SLC25A21: variants seen among roughly 807,000 people sequenced by gnomAD.
SLC25A21 encodes mitochondrial 2-oxodicarboxylate carrier.
In SLC25A21, 47 loss-of-function variants were observed where a neutral mutation model predicts 43.8. The observed-to-expected ratio is 1.07, with a 90% CI of 0.85 to 1.37. The LOEUF is 1.37. Among genes scored for constraint, SLC25A21 ranks in the 40% most tolerant of loss-of-function variants. SLC25A21 has a pLI of 0.00. For synonymous variants in SLC25A21, 131 were observed against 121.3 expected (o/e 1.08, Z -0.52); for missense variants, 352 against 350.2 (o/e 1.00, Z -0.04).
chr14:36,779,241 G>T (rs1886945690), intron 3 of SLC25A21, among the ~76,000 whole-genome samples: 1 of 143,616 alleles, frequency 7.0e-6, no homozygotes, highest in African/African-American at 2.5e-5. Flanking sequence ...ATAAGATATA[G>T]ATAATATAAT....
intron 1 of SLC25A21, among the ~76,000 whole-genome samples, chr14:36,890,173 G>A (rs1012484247): frequency 6.6e-6 from 1 of 152,132 alleles, no homozygotes; most frequent in African/African-American, 2.4e-5. Flanking sequence ...CTGCAGGAGG[G>A]AGGAAGGGAT....
chr14:37,014,712 T>C (rs917467983), intron 1 of SLC25A21, among the ~76,000 whole-genome samples: 2 of 152,152 alleles, frequency 1.3e-5, no homozygotes, highest in Non-Finnish European at 2.9e-5. Context: ...AGAATCACTA[T>C]CTATGGGAGC....
chr14:37,008,570 A>G (rs1462063558), intron 1 of SLC25A21, among the ~76,000 whole-genome samples: 1 of 152,158 alleles, frequency 6.6e-6, no homozygotes, highest in Non-Finnish European at 1.5e-5. Context: ...TTTTTAAACT[A>G]CCTATTATGA....
intron 1 of SLC25A21, among the ~76,000 whole-genome samples, chr14:37,162,087 G>A (rs1184869020): frequency 6.6e-6 from 1 of 152,014 alleles, no homozygotes. Flanking sequence ...GGAATACCAA[G>A]CGTTGCTGGC....
chr14:36,882,883 C>T (rs556544958), intron 1 of SLC25A21, among the ~76,000 whole-genome samples: 3 of 151,738 alleles, frequency 2.0e-5, no homozygotes, highest in East Asian at 1.9e-4. Context: ...TGGATGCTTC[C>T]GTCTCTCTCA....
chr14:37,027,109 T>A (rs1961109356), intron 1 of SLC25A21, among the ~76,000 whole-genome samples: 1 of 152,180 alleles, frequency 6.6e-6, no homozygotes, highest in Non-Finnish European at 1.5e-5. Context: ...GTTTATTGAA[T>A]TACAAGAACC....
chr14:37,000,701 G>A (rs920585561), intron 1 of SLC25A21, among the ~76,000 whole-genome samples: 2 of 152,184 alleles, frequency 1.3e-5, no homozygotes, highest in Admixed American at 6.5e-5. Flanking sequence ...CCTGGTGCGA[G>A]GTGATTGGAT....
At chr14:36,824,249 GA>G (rs567591478) in intron 2 of SLC25A21, among the ~76,000 whole-genome samples, 21 of 152,132 alleles carry the variant, frequency 1.4e-4, no homozygotes, top group Admixed American at 9.8e-4. Context: ...CTTATACTAG[GA>G]AAAAAATTGG....
intron 2 of SLC25A21, among the ~76,000 whole-genome samples, chr14:36,838,511 T>C (rs950937301): frequency 4.6e-5 from 7 of 152,186 alleles, no homozygotes; most frequent in African/African-American, 1.7e-4. Flanking sequence ...AGAATGTGAC[T>C]TCATGGTCTG....
At chr14:37,025,126 C>T (rs1961066305) in intron 1 of SLC25A21, among the ~76,000 whole-genome samples, 2 of 152,024 alleles carry the variant, frequency 1.3e-5, no homozygotes, top group African/African-American at 4.8e-5. Flanking sequence ...TAGAGCTACA[C>T]TACCGTAGCC....
chr14:36,722,011 T>G (rs548426636), intron 6 of SLC25A21, among the ~76,000 whole-genome samples: 74 of 152,262 alleles, frequency 4.9e-4, no homozygotes, highest in Non-Finnish European at 4.6e-4. Context: ...TCTCCAGAGG[T>G]ATGAATTTCA....
intron 1 of SLC25A21, among the ~76,000 whole-genome samples, chr14:37,110,681 A>G (rs192228812): frequency 7.9e-5 from 12 of 152,266 alleles, no homozygotes; most frequent in Middle Eastern, 3.4e-3. Flanking sequence ...ACTTGGTTTC[A>G]TAAGGGACCA....
At chr14:36,706,194 C>G (rs1037231732) in intron 7 of SLC25A21, among the ~76,000 whole-genome samples, 1 of 152,216 alleles carries the variant, frequency 6.6e-6, no homozygotes, top group African/African-American at 2.4e-5. Context: ...ATTCTGCATA[C>G]TAACGAGCTC....
chr14:36,679,240 A>G lies in SLC25A21; in HGVS notation c.*1418T>C, dbSNP rs1018067264. 4.1e-6 allele frequency: 4 copies of G among 984,438 alleles called. No homozygotes were observed. The highest frequency in any genetic ancestry group is 4.8e-6 in the Non-Finnish European group (4 of 829,034). The allele number at this position is 984,438 out of a possible 1,614,324, so 61.0% of individuals were successfully genotyped here. On this transcript the variant is annotated 3_prime_UTR_variant, in exon 10 of 10. Transcript: ENST00000331299. ...CTTTTATTGAATATTGGACTGAAAT[A>G]TAAATTTTAAAAAACACGTTGGAAA...
At chr14:36,857,840 C>T (rs1371305468) in intron 2 of SLC25A21, among the ~76,000 whole-genome samples, 1 of 152,228 alleles carries the variant, frequency 6.6e-6, no homozygotes, top group Non-Finnish European at 1.5e-5. Context: ...TCTTGTTTCT[C>T]CTTGAGCACC....
chr14:36,719,866 C>T (rs1204279711), intron 6 of SLC25A21, among the ~76,000 whole-genome samples: 2 of 152,124 alleles, frequency 1.3e-5, no homozygotes, highest in Admixed American at 6.6e-5. Context: ...GAGGAGAGCC[C>T]GGGGCAGCTG....
At chr14:36,712,037 C>T (rs1883900378) in intron 6 of SLC25A21, among the ~76,000 whole-genome samples, 1 of 152,144 alleles carries the variant, frequency 6.6e-6, no homozygotes, top group East Asian at 1.9e-4. Context: ...GATATGCAAT[C>T]AGTGTGCGTA....
chr14:36,835,417 G>A (rs1484205811), intron 2 of SLC25A21, among the ~76,000 whole-genome samples: 1 of 152,168 alleles, frequency 6.6e-6, no homozygotes, highest in Non-Finnish European at 1.5e-5. Flanking sequence ...GTGCATGAAT[G>A]GCTATTAAAC....
intron 1 of SLC25A21, among the ~76,000 whole-genome samples, chr14:36,947,665 T>A (rs1275211508): frequency 6.6e-6 from 1 of 152,188 alleles, no homozygotes. Context: ...GATTTACTTT[T>A]GTGCCATTGA....
Sources: allele counts gnomAD v4.1 joint callset (sites outside exome capture counted in the v4.1 genomes callset), GRCh38; gene constraint gnomAD v4.1.1; transcripts MANE v1.5; gene names NCBI Gene and HGNC (gene_info 2026-07-23, HGNC 2026-07-21).